STPG2: variants seen among roughly 807,000 people sequenced by gnomAD.
The protein encoded by STPG2 is sperm-tail PG-rich repeat-containing protein 2.
Under a neutral mutation model 54.2 loss-of-function variants are expected in STPG2, and 56 were observed. The observed-to-expected ratio is 1.03, with a 90% CI of 0.83 to 1.29. The LOEUF (loss-of-function observed/expected upper bound fraction) is 1.29, where lower values mean the gene tolerates loss of function less well. Ranked by LOEUF, STPG2 falls within the 50% of genes most tolerant of loss-of-function variation. The probability of loss-of-function intolerance (pLI) is 0.00; values close to 1 mark genes in which losing one functional copy is unlikely to be tolerated. For synonymous variants in STPG2, 200 were observed against 181.8 expected (o/e 1.10, Z -0.81); for missense variants, 596 against 544.9 (o/e 1.09, Z -0.93).
At chr4:97,685,230 G>T (rs1208292384) in intron 10 of STPG2, among the ~76,000 whole-genome samples, 1 of 152,006 alleles carries the variant, frequency 6.6e-6, no homozygotes, top group Non-Finnish European at 1.5e-5. Context: ...ACCCAAATAA[G>T]TTGAAAATTT....
intron 10 of STPG2, among the ~76,000 whole-genome samples, chr4:97,584,450 A>G (rs919949340): frequency 6.6e-6 from 1 of 151,924 alleles, no homozygotes; most frequent in Non-Finnish European, 1.5e-5. Flanking sequence ...GAAACAGACA[A>G]TCTAAGGTCA....
intron 10 of STPG2, among the ~76,000 whole-genome samples, chr4:97,560,736 G>A (rs1445359116): frequency 6.6e-6 from 1 of 152,112 alleles, no homozygotes; most frequent in Admixed American, 6.6e-5. Flanking sequence ...TTTCGAAAGA[G>A]CCAGTACAAC....
Position 97,797,172 on chromosome 4 carries a change from C to T in STPG2, c.1204+43601G>A, listed in dbSNP as rs1406485355. Among the ~76,000 whole-genome samples the T allele has an allele frequency of 3.3e-5, 5 of 152,104 alleles. No individual in the cohort carries two copies. The East Asian group carries it at 9.6e-4, about 29-fold the overall frequency. On this transcript the variant is annotated intron_variant, in intron 9 of 10. Coordinates refer to ENST00000295268, the MANE Select transcript of STPG2 (RefSeq NM_174952.3). ...ATTTCCTCTTTTCCTAATTGAATACCCTTTATTGATTTCTCCTGCCTGATT... is the reference window on the plus strand; with the variant it reads ...ATTTCCTCTTTTCCTAATTGAATACTCTTTATTGATTTCTCCTGCCTGATT...
At chr4:97,449,323 C>T (rs996717323) in intron 4 of STPG2, among the ~76,000 whole-genome samples, 38 of 152,216 alleles carry the variant, frequency 2.5e-4, no homozygotes, top group African/African-American at 9.1e-4. Flanking sequence ...AGCATTTATC[C>T]TTTCAACAAA....
chr4:97,628,551 TTA>T (rs1352894957), intron 10 of STPG2, among the ~76,000 whole-genome samples: 25 of 152,202 alleles, frequency 1.6e-4, no homozygotes, highest in Admixed American at 1.4e-3. Flanking sequence ...TATTAAATGT[TTA>T]TTTTATCACT....
At chr4:97,731,516 C>G (rs1011778417) in intron 9 of STPG2, among the ~76,000 whole-genome samples, 1 of 152,126 alleles carries the variant, frequency 6.6e-6, no homozygotes, top group African/African-American at 2.4e-5. Flanking sequence ...GAGATGAAGC[C>G]TAGGAAGCTC....
At chr4:97,653,208 C>A (rs899542374) in intron 10 of STPG2, among the ~76,000 whole-genome samples, 1 of 151,860 alleles carries the variant, frequency 6.6e-6, no homozygotes, top group South Asian at 2.1e-4. Flanking sequence ...GTATTAAAGG[C>A]ATTGTAGACT....
At chr4:97,460,297 A>G (rs1025539894) in intron 4 of STPG2, among the ~76,000 whole-genome samples, 17 of 152,042 alleles carry the variant, frequency 1.1e-4, no homozygotes, top group Admixed American at 4.6e-4. Flanking sequence ...TATTTATTAC[A>G]ATAGGCATGT....
At chr4:97,491,020 T>A (rs920827948) in intron 4 of STPG2, among the ~76,000 whole-genome samples, 2 of 151,340 alleles carry the variant, frequency 1.3e-5, no homozygotes, top group Non-Finnish European at 3.0e-5. Flanking sequence ...TTTTGGATTA[T>A]TTTTTCCTAA....
At chr4:97,821,867 T>G (rs190743790) in intron 9 of STPG2, among the ~76,000 whole-genome samples, 4 of 152,230 alleles carry the variant, frequency 2.6e-5, no homozygotes, top group African/African-American at 9.6e-5. Context: ...CCAGGCCTGG[T>G]CCCCCAAGTC....
intron 10 of STPG2, among the ~76,000 whole-genome samples, chr4:97,585,844 G>A (rs957550290): frequency 1.4e-4 from 21 of 151,890 alleles, no homozygotes; most frequent in African/African-American, 2.2e-4. Context: ...GGTACTGTGC[G>A]CTGAACCTAA....
intron 8 of STPG2, among the ~76,000 whole-genome samples, chr4:97,908,832 G>A (rs1199968943): frequency 1.9e-3 from 275 of 148,128 alleles, no homozygotes; most frequent in African/African-American, 6.6e-3. Flanking sequence ...ACATGGACAC[G>A]GGAAGGGGAA....
intron 10 of STPG2, among the ~76,000 whole-genome samples, chr4:97,649,368 T>C (rs1469213254): frequency 6.6e-6 from 1 of 152,190 alleles, no homozygotes; most frequent in Non-Finnish European, 1.5e-5. Flanking sequence ...GAAACATTTC[T>C]TTCTCTTTAG....
rs181007882 is a variant in STPG2, at chr4:97,681,106, A to G, written c.1320+31593T>C. Among the ~76,000 whole-genome samples, 45 of 152,114 alleles carry G rather than the reference A, an allele frequency of 3.0e-4. 1 individual carries two copies. Among genetic ancestry groups the G allele is most frequent in the Admixed American group, 2.4e-3 (37 of 15,240 alleles). On this transcript the variant is annotated intron_variant, in intron 10 of 10. Coordinates refer to ENST00000295268, the MANE Select transcript of STPG2 (RefSeq NM_174952.3). ...AAACTGCATATGTAGTAACACAGTGATTATTAAAACTGAATTTCCTGGTGA... is the reference window on the plus strand; with the variant it reads ...AAACTGCATATGTAGTAACACAGTGGTTATTAAAACTGAATTTCCTGGTGA...
intron 7 of STPG2, 37 bp from the exon 8 acceptor site, chr4:97,944,044 AT>A: frequency 4.5e-6 from 6 of 1,319,148 alleles, no homozygotes; most frequent in Non-Finnish European, 6.5e-6. Flanking sequence ...TACATCATTT[AT>A]TTTTATCAAT....
chr4:97,477,222 T>C (rs996955641), intron 4 of STPG2, among the ~76,000 whole-genome samples: 6 of 152,198 alleles, frequency 3.9e-5, no homozygotes, highest in African/African-American at 1.2e-4. Flanking sequence ...ATAGTAACTG[T>C]CATTATTTCT....
intron 9 of STPG2, among the ~76,000 whole-genome samples, chr4:97,793,017 G>T (rs562625932): frequency 6.6e-6 from 1 of 151,964 alleles, no homozygotes; most frequent in South Asian, 2.1e-4. Flanking sequence ...GCCAGGCTTG[G>T]TGGGGAGTCA....
intron 10 of STPG2, among the ~76,000 whole-genome samples, chr4:97,655,088 T>G (rs1028607081): frequency 2.0e-5 from 3 of 152,082 alleles, no homozygotes; most frequent in African/African-American, 7.2e-5. Flanking sequence ...CTTTCTACTA[T>G]GCATTTTATA....
intron 4 of STPG2, among the ~76,000 whole-genome samples, chr4:97,454,252 G>A (rs1729452500): frequency 6.6e-6 from 1 of 151,922 alleles, no homozygotes; most frequent in Non-Finnish European, 1.5e-5. Context: ...GGTGGCTAAC[G>A]CCTGTAATCC....
Sources: allele counts gnomAD v4.1 joint callset (sites outside exome capture counted in the v4.1 genomes callset), GRCh38; gene constraint gnomAD v4.1.1; transcripts MANE v1.5; gene names NCBI Gene and HGNC (gene_info 2026-07-23, HGNC 2026-07-21).